The following ZFHX3 variants were observed in gnomAD, a reference collection of about 807,000 sequenced individuals.
ZFHX3 encodes zinc finger homeobox protein 3.
A neutral mutation model predicts 279.1 loss-of-function variants in ZFHX3; 42 were observed. The observed-to-expected ratio is 0.15, with a 90% confidence interval of 0.12 to 0.19. The LOEUF (loss-of-function observed/expected upper bound fraction) is 0.19, where lower values mean the gene tolerates loss of function less well. Among genes scored for constraint, ZFHX3 ranks in the 10% least tolerant of loss-of-function variants. The pLI, the probability that ZFHX3 is intolerant of heterozygous loss-of-function variation, is 1.00. For synonymous variants in ZFHX3, 2,293 were observed against 1,957.8 expected (o/e 1.17, Z -4.52); for missense variants, 4,981 against 4,754.0 (o/e 1.05, Z -1.40).
chr16:73,049,310 C>T (rs545566322), upstream of ZFHX3, among the ~76,000 whole-genome samples: 1 of 152,348 alleles, frequency 6.6e-6, no homozygotes, highest in East Asian at 1.9e-4. Context: ...GCCTTACAGC[C>T]TGGAGAGTCT....
chr16:73,462,096 C>T (rs922631196), intron 2 of ZFHX3, among the ~76,000 whole-genome samples: 40 of 152,248 alleles, frequency 2.6e-4, no homozygotes, highest in African/African-American at 9.6e-4. Flanking sequence ...GATAGATTTA[C>T]ACCTGCGTAT....
chr16:73,528,703 A>T (rs1195080915), intron 2 of ZFHX3, among the ~76,000 whole-genome samples: 2 of 152,206 alleles, frequency 1.3e-5, no homozygotes, highest in Non-Finnish European at 2.9e-5. Context: ...TGAAGTAGTG[A>T]CGATGTGTTG....
At position 72,958,623 on chromosome 16, in the gene ZFHX3, T is replaced by C. The variant is rs1449867919; in HGVS notation, c.1523A>G (p.His508Arg). The stretch of plus-strand genomic sequence containing the variant: ...ACCTGCTGCGGCCCCAGGCTCCTCA[T>C]GGGGCCTGTCCTCCAGTTCCTCATC... ...ELDEELEDRP[H>R]EEPGAAAGSS... The change falls in exon 2 of 10, where the codon CAT becomes CGT. Residue 508 changes from histidine to arginine, a missense_variant. Coordinates refer to ENST00000268489, the MANE Select transcript of ZFHX3 (RefSeq NM_006885.4). 1 of 1,614,142 alleles carries C rather than the reference T, an allele frequency of 6.2e-7. No individual in the cohort carries two copies. The highest frequency in any genetic ancestry group is 1.7e-5 in the Admixed American group (1 of 60,026).
intron 2 of ZFHX3, among the ~76,000 whole-genome samples, chr16:73,507,485 C>CTTTTTTTTTTTTTTTTTTT (rs752001880): frequency 1.3e-5 from 1 of 79,790 alleles, no homozygotes; most frequent in African/African-American, 6.1e-5. Context: ...AGCTCTGCCA[C>CTTTTTTTTTTTTTTTTTTT]TTTTTTTTTT....
chr16:73,452,744 C>T (rs1470581233), intron 3 of ZFHX3, among the ~76,000 whole-genome samples: 1 of 152,164 alleles, frequency 6.6e-6, no homozygotes, highest in African/African-American at 2.4e-5. Flanking sequence ...TCTAAAGTTT[C>T]AAGGTAGAAC....
chr16:73,075,737 G>C (rs1203422716), intron 8 of ZFHX3, among the ~76,000 whole-genome samples: 1 of 151,958 alleles, frequency 6.6e-6, no homozygotes, highest in Non-Finnish European at 1.5e-5. Context: ...GGGTTCAAGG[G>C]ATTCTCTTGC....
intron 3 of ZFHX3, among the ~76,000 whole-genome samples, chr16:72,933,334 G>GT (rs1286815045): frequency 4.6e-5 from 7 of 152,212 alleles, no homozygotes; most frequent in African/African-American, 1.7e-4. Flanking sequence ...GAGTAGGAAG[G>GT]TGGAGGGGAG....
chr16:73,857,421 G>C (rs972402110), intron 1 of ZFHX3, among the ~76,000 whole-genome samples: 1 of 152,118 alleles, frequency 6.6e-6, no homozygotes. Context: ...TGGTAGGAGG[G>C]ACACATCCCC....
chr16:72,884,661 G>A (rs1332094122), intron 4 of ZFHX3, among the ~76,000 whole-genome samples: 1 of 152,222 alleles, frequency 6.6e-6, no homozygotes, highest in African/African-American at 2.4e-5. Context: ...GCCGACAGCA[G>A]AAACACAAAG....
chr16:72,999,031 CAGG>C (rs1288920180), intron 1 of ZFHX3, among the ~76,000 whole-genome samples: 1 of 152,238 alleles, frequency 6.6e-6, no homozygotes, highest in Admixed American at 6.5e-5. Context: ...CATTCTTAAA[CAGG>C]AGACTTCCAT....
chr16:73,202,484 T>A (rs2011640949), intron 5 of ZFHX3, among the ~76,000 whole-genome samples: 1 of 152,204 alleles, frequency 6.6e-6, no homozygotes, highest in African/African-American at 2.4e-5. Context: ...TGGCCCAGAA[T>A]CAAAATCAAA....
upstream of ZFHX3, chr16:73,062,350 A>C (rs1965694226): frequency 6.6e-6 from 1 of 152,194 alleles, no homozygotes; most frequent in South Asian, 2.1e-4. Context: ...GAGTATGTGA[A>C]TATATCTGTG....
intron 2 of ZFHX3, among the ~76,000 whole-genome samples, chr16:73,647,012 CCTTTTTTTTTT>C (rs987143332): frequency 1.5e-5 from 2 of 136,590 alleles, no homozygotes; most frequent in African/African-American, 6.4e-5. Context: ...GTTGTGCCAA[CCTTTTTTTTTT>C]CTTTTTTTTT....
At chr16:73,331,612 C>A (rs868243375) in intron 3 of ZFHX3, among the ~76,000 whole-genome samples, 1 of 152,298 alleles carries the variant, frequency 6.6e-6, no homozygotes, top group Admixed American at 6.5e-5. Flanking sequence ...AGAGGAGTAA[C>A]TCATTCGCAG....
At chr16:73,730,123 C>G (rs138592669) in intron 1 of ZFHX3, among the ~76,000 whole-genome samples, 12 of 152,096 alleles carry the variant, frequency 7.9e-5, no homozygotes, top group Non-Finnish European at 1.6e-4. Context: ...AGAAGACTAC[C>G]ATAGAACAGG....
At chr16:73,708,078 G>C (rs912334882) in intron 1 of ZFHX3, among the ~76,000 whole-genome samples, 2 of 63,820 alleles carry the variant, frequency 3.1e-5, no homozygotes, top group Non-Finnish European at 4.8e-5. Context: ...TTTGGGTGTG[G>C]TGGGGGGGGG....
At chr16:73,631,779 C>T (rs1457614624) in intron 2 of ZFHX3, among the ~76,000 whole-genome samples, 3 of 152,004 alleles carry the variant, frequency 2.0e-5, no homozygotes, top group Non-Finnish European at 4.4e-5. Flanking sequence ...TGGTGGTGCA[C>T]GCCTGTAGTC....
At chr16:73,642,246 T>A (rs1315824529) in intron 2 of ZFHX3, among the ~76,000 whole-genome samples, 1 of 152,222 alleles carries the variant, frequency 6.6e-6, no homozygotes, top group Non-Finnish European at 1.5e-5. Context: ...ATTCTTTGCC[T>A]GCAGCTCTGC....
intron 5 of ZFHX3, among the ~76,000 whole-genome samples, chr16:73,221,590 TC>T (rs35698681): frequency 0.021 from 3,242 of 152,052 alleles, 118 homozygotes; most frequent in African/African-American, 0.074. Flanking sequence ...AGCCACCTGT[TC>T]CCCAAAAACT....
Sources: gnomAD v4.1 joint callset for allele counts (sites outside exome capture counted in the v4.1 genomes callset) on GRCh38, gnomAD v4.1.1 for gene constraint, MANE v1.5 for transcripts, NCBI Gene and HGNC (gene_info 2026-07-23, HGNC 2026-07-21) for gene names.